The following LHPP variants were observed in gnomAD, a reference collection of about 807,000 sequenced individuals.
LHPP encodes phospholysine phosphohistidine inorganic pyrophosphate phosphatase.
In LHPP, 24 loss-of-function variants were observed where a neutral mutation model predicts 30.3. That is an observed-to-expected ratio of 0.79 (90% CI 0.57 to 1.11). LHPP has a LOEUF of 1.11. LHPP is among the 50% of genes most tolerant of loss of function. The pLI is 0.00. For synonymous variants in LHPP, 150 were observed against 157.1 expected (o/e 0.95, Z 0.34); for missense variants, 356 against 367.2 (o/e 0.97, Z 0.25).
intron 6 of LHPP, among the ~76,000 whole-genome samples, chr10:124,599,291 C>G (rs1948992755): frequency 6.6e-6 from 1 of 152,214 alleles, no homozygotes; most frequent in South Asian, 2.1e-4. Flanking sequence ...TCCATCTATC[C>G]ACCCATCCAC....
At chr10:124,599,565 G>A (rs768489869) in intron 6 of LHPP, among the ~76,000 whole-genome samples, 8 of 152,178 alleles carry the variant, frequency 5.3e-5, no homozygotes, top group Non-Finnish European at 7.4e-5. Flanking sequence ...AGCCCTCCCC[G>A]CTCCCCTCTC....
At chr10:124,483,648 T>C (rs568922080) in intron 1 of LHPP, among the ~76,000 whole-genome samples, 1 of 152,092 alleles carries the variant, frequency 6.6e-6, no homozygotes, top group Non-Finnish European at 1.5e-5. Flanking sequence ...TCCCAGCTGC[T>C]CTGGAGGCTG....
chr10:124,467,869 T>G (rs114857347), intron 1 of LHPP, among the ~76,000 whole-genome samples: 15,196 of 152,044 alleles, frequency 0.1, 839 homozygotes, highest in Non-Finnish European at 0.11. Flanking sequence ...CCACCATGCC[T>G]GGTTAATCAT....
At chr10:124,598,088 T>C (rs1206360176) in intron 6 of LHPP, among the ~76,000 whole-genome samples, 2 of 152,152 alleles carry the variant, frequency 1.3e-5, no homozygotes, top group Admixed American at 6.5e-5. Flanking sequence ...TGAGCCTCCG[T>C]TGGGTCAGTG....
chr10:124,526,760 A>C (rs968416376), intron 6 of LHPP, among the ~76,000 whole-genome samples: 3 of 152,334 alleles, frequency 2.0e-5, no homozygotes, highest in Middle Eastern at 3.4e-3. Flanking sequence ...GAGATGTGAC[A>C]GGTGACAGCC....
intron 6 of LHPP, among the ~76,000 whole-genome samples, chr10:124,607,360 C>T (rs1033997719): frequency 6.6e-6 from 1 of 152,264 alleles, no homozygotes. Flanking sequence ...CCCTGGGAGA[C>T]ACAGCCCACA....
At chr10:124,560,288 C>T (rs1948373734) in intron 6 of LHPP, among the ~76,000 whole-genome samples, 2 of 152,226 alleles carry the variant, frequency 1.3e-5, no homozygotes, top group South Asian at 4.1e-4. Flanking sequence ...TCATAATCCA[C>T]CGGCAACATC....
chr10:124,524,434 G>C (rs1450028411), intron 6 of LHPP, among the ~76,000 whole-genome samples: 1 of 151,780 alleles, frequency 6.6e-6, no homozygotes, highest in African/African-American at 2.4e-5. Context: ...GCACCACCAT[G>C]CCCAACTAAT....
At chr10:124,509,954 A>G (rs769274711) in intron 5 of LHPP, among the ~76,000 whole-genome samples, 1 of 152,114 alleles carries the variant, frequency 6.6e-6, no homozygotes, top group Admixed American at 6.6e-5. Context: ...AGCACCTAGG[A>G]CACTGAAGAG....
intron 6 of LHPP, among the ~76,000 whole-genome samples, chr10:124,610,059 T>A (rs1467283480): frequency 6.6e-6 from 1 of 152,158 alleles, no homozygotes; most frequent in African/African-American, 2.4e-5. Context: ...AACACGCAGT[T>A]TTCCAATGTG....
chr10:124,491,133 G>A (rs563188730), intron 3 of LHPP, among the ~76,000 whole-genome samples: 33 of 152,206 alleles, frequency 2.2e-4, no homozygotes, highest in Middle Eastern at 6.8e-3. Flanking sequence ...ACAGGGTTCT[G>A]CACAGCTAGA....
chr10:124,546,726 G>A (rs74160924), intron 6 of LHPP, among the ~76,000 whole-genome samples: 10,370 of 152,204 alleles, frequency 0.068, 704 homozygotes, highest in African/African-American at 0.17. Flanking sequence ...GTTGTATCTT[G>A]GTGGGTAAGG....
At chr10:124,537,999 G>GC (rs1955074323) in intron 6 of LHPP, among the ~76,000 whole-genome samples, 1 of 152,222 alleles carries the variant, frequency 6.6e-6, no homozygotes, top group African/African-American at 2.4e-5. Context: ...ACTGAGCACT[G>GC]CCCCAAGGCA....
intron 6 of LHPP, among the ~76,000 whole-genome samples, chr10:124,520,281 T>A (rs991858136): frequency 3.9e-5 from 6 of 152,082 alleles, no homozygotes; most frequent in Non-Finnish European, 2.9e-5. Flanking sequence ...CCTGATCCTC[T>A]CCCTCCTCCC....
At chr10:124,464,062 G>A (rs1365145691) in intron 1 of LHPP, among the ~76,000 whole-genome samples, 1 of 152,090 alleles carries the variant, frequency 6.6e-6, no homozygotes, top group Admixed American at 6.5e-5. Flanking sequence ...GAAGTGATCT[G>A]CCTGCCTCAG....
intron 1 of LHPP, among the ~76,000 whole-genome samples, chr10:124,475,560 A>T (rs917022992): frequency 6.6e-6 from 1 of 152,222 alleles, no homozygotes; most frequent in Middle Eastern, 3.4e-3. Context: ...ATAAAATAAA[A>T]AATAAATAAT....
intron 1 of LHPP, among the ~76,000 whole-genome samples, chr10:124,474,400 A>G (rs1952879700): frequency 1.3e-5 from 2 of 152,174 alleles, no homozygotes; most frequent in African/African-American, 4.8e-5. Context: ...TCAGTCTCCC[A>G]AAGTGTTGGG....
At chr10:124,487,239 T>A (rs1199877881) in intron 2 of LHPP, among the ~76,000 whole-genome samples, 1 of 152,218 alleles carries the variant, frequency 6.6e-6, no homozygotes, top group Non-Finnish European at 1.5e-5. Context: ...GCGAAATTAC[T>A]GGGTCATAGG....
At chr10:124,535,124 A>G (rs1447901957) in intron 6 of LHPP, among the ~76,000 whole-genome samples, 5 of 152,138 alleles carry the variant, frequency 3.3e-5, no homozygotes. Flanking sequence ...TCTTCTTCCT[A>G]AGGTTGTTGG....
Sources: gnomAD v4.1 joint callset for allele counts (sites outside exome capture counted in the v4.1 genomes callset) on GRCh38, gnomAD v4.1.1 for gene constraint, MANE v1.5 for transcripts, NCBI Gene and HGNC (gene_info 2026-07-23, HGNC 2026-07-21) for gene names.